KCNIP4: variants seen among roughly 807,000 people sequenced by gnomAD.
KCNIP4 encodes the protein Kv channel-interacting protein 4.
A neutral mutation model predicts 34.0 loss-of-function variants in KCNIP4; 12 were observed. The observed-to-expected ratio is 0.35, with a 90% CI of 0.23 to 0.57. The LOEUF (loss-of-function observed/expected upper bound fraction) is 0.57, where lower values mean the gene tolerates loss of function less well. KCNIP4 is among the 20% of genes least tolerant of loss of function. KCNIP4 has a pLI of 0.83. For missense variants in KCNIP4, 238 were observed against 311.7 expected (o/e 0.76, Z 1.78); for synonymous variants, 124 against 102.2 (o/e 1.21, Z -1.29).
chr4:20,958,584 A>C (rs1259953282), intron 1 of KCNIP4, among the ~76,000 whole-genome samples: 1 of 152,160 alleles, frequency 6.6e-6, no homozygotes, highest in Non-Finnish European at 1.5e-5. Context: ...ACATAGAAGA[A>C]CTTTCAGCTA....
At chr4:21,479,268 C>T (rs1731233557) in intron 1 of KCNIP4, among the ~76,000 whole-genome samples, 1 of 151,900 alleles carries the variant, frequency 6.6e-6, no homozygotes, top group Non-Finnish European at 1.5e-5. Flanking sequence ...AAACATAAAG[C>T]AAAATGGAAA....
At chr4:21,023,634 T>C (rs1383218350) in intron 1 of KCNIP4, among the ~76,000 whole-genome samples, 1 of 152,114 alleles carries the variant, frequency 6.6e-6, no homozygotes, top group Non-Finnish European at 1.5e-5. Context: ...CCAAGCACAG[T>C]GGCTCATACC....
At chr4:21,519,796 T>TACACACGTGTGTGTATGTGTGTGTGTAC (rs544083218) in intron 1 of KCNIP4, among the ~76,000 whole-genome samples, 1 of 131,276 alleles carries the variant, frequency 7.6e-6, no homozygotes, top group South Asian at 2.7e-4. Context: ...TGTGTGTGTA[T>TACACACGTGTGTGTATGTGTGTGTGTAC]ACACGTGTGT....
intron 1 of KCNIP4, among the ~76,000 whole-genome samples, chr4:21,095,812 G>C (rs1376696337): frequency 6.6e-6 from 1 of 152,068 alleles, no homozygotes; most frequent in Non-Finnish European, 1.5e-5. Context: ...AGGTGCAGCA[G>C]GTGTTATTTT....
chr4:21,309,230 C>A (rs770462781), intron 1 of KCNIP4, among the ~76,000 whole-genome samples: 1 of 152,094 alleles, frequency 6.6e-6, no homozygotes, highest in Non-Finnish European at 1.5e-5. Context: ...AGAAAGGGGG[C>A]GAACTTTCTC....
In KCNIP4 at chr4:21,899,636, T is replaced by C. The variant is rs1041926296; in HGVS notation, c.61+48935A>G. Reference sequence around the variant, plus strand: ...CAGAAAAATCACTAGCATTTCCATATGCCAACAATGAACAATCTGAAAAAG... The same window carrying C: ...CAGAAAAATCACTAGCATTTCCATACGCCAACAATGAACAATCTGAAAAAG... On this transcript the variant is annotated intron_variant, in intron 1 of 8. Coordinates refer to ENST00000382152, the MANE Select transcript of KCNIP4 (RefSeq NM_025221.6). 4.6e-5 allele frequency among the ~76,000 whole-genome samples: 7 copies of C among 151,972 alleles called. No homozygotes were observed. In the South Asian group the frequency reaches 6.2e-4, roughly 13 times the overall value.
intron 1 of KCNIP4, among the ~76,000 whole-genome samples, chr4:21,346,876 T>G (rs1717483969): frequency 6.6e-6 from 1 of 152,134 alleles, no homozygotes; most frequent in Admixed American, 6.5e-5. Context: ...CTGCACCTCA[T>G]GGTTTTAGGT....
chr4:21,689,818 A>G (rs1286788184), intron 1 of KCNIP4, among the ~76,000 whole-genome samples: 2 of 152,002 alleles, frequency 1.3e-5, no homozygotes, highest in African/African-American at 4.8e-5. Context: ...TCCTACTCTC[A>G]TATTTGTTCT....
intron 1 of KCNIP4, among the ~76,000 whole-genome samples, chr4:21,752,840 T>C (rs1717244724): frequency 6.6e-6 from 1 of 152,188 alleles, no homozygotes; most frequent in South Asian, 2.1e-4. Context: ...CTGGAGACAG[T>C]TGAGATTTTT....
intron 1 of KCNIP4, among the ~76,000 whole-genome samples, chr4:21,331,862 A>T (rs544625888): frequency 6.6e-6 from 1 of 152,192 alleles, no homozygotes; most frequent in South Asian, 2.1e-4. Context: ...CACAGTAATT[A>T]TAAATTCACA....
intron 1 of KCNIP4, among the ~76,000 whole-genome samples, chr4:21,062,187 C>T (rs115488047): frequency 0.019 from 2,855 of 152,158 alleles, 78 homozygotes; most frequent in African/African-American, 0.063. Flanking sequence ...ATGTAGATGA[C>T]AATGTAAATT....
chr4:21,628,837 C>T (rs537312903), intron 1 of KCNIP4, among the ~76,000 whole-genome samples: 29 of 152,242 alleles, frequency 1.9e-4, no homozygotes, highest in African/African-American at 5.5e-4. Context: ...ATAAATTATA[C>T]CCATTTACAT....
chr4:20,853,528 C>T (rs1324722619), intron 2 of KCNIP4, among the ~76,000 whole-genome samples: 1 of 152,140 alleles, frequency 6.6e-6, no homozygotes, highest in African/African-American at 2.4e-5. Context: ...AGACCAGATA[C>T]TGTAAAAATT....
chr4:21,519,489 T>TATGTGTGTATGTGTATGTGCATATACAC (rs1577509702), intron 1 of KCNIP4, among the ~76,000 whole-genome samples: 1 of 86,434 alleles, frequency 1.2e-5, no homozygotes, highest in Non-Finnish European at 2.7e-5. Flanking sequence ...TATATACACA[T>TATGTGTGTATGTGTATGTGCATATACAC]ATGTGTGTAT....
intron 1 of KCNIP4, among the ~76,000 whole-genome samples, chr4:21,044,498 GACAGGGTTTC>G (rs1742264861): frequency 2.6e-5 from 4 of 152,004 alleles, no homozygotes; most frequent in African/African-American, 9.7e-5. Context: ...TTTTAGTAGA[GACAGGGTTTC>G]ACCATGTTGG....
At chr4:21,099,972 A>G (rs1176569421) in intron 1 of KCNIP4, among the ~76,000 whole-genome samples, 2 of 152,164 alleles carry the variant, frequency 1.3e-5, no homozygotes, top group East Asian at 3.9e-4. Context: ...CTCATGATCA[A>G]ACTACAATGG....
chr4:21,581,922 C>T lies in KCNIP4; in HGVS notation c.61+366649G>A, dbSNP rs919276079. ...TCATGAACCCAATTTAATGATGAGT[C>T]GAGACCAAACTTAAAAGAAGAAAGA... On this transcript the variant is annotated intron_variant, in intron 1 of 8. Coordinates refer to ENST00000382152, the MANE Select transcript of KCNIP4 (RefSeq NM_025221.6). 2.0e-5 allele frequency among the ~76,000 whole-genome samples: 3 copies of T among 151,128 alleles called. No individual in the cohort carries two copies. In the South Asian group the frequency reaches 6.3e-4, roughly 32 times the overall value.
chr4:21,352,888 C>T (rs527527057), intron 1 of KCNIP4, among the ~76,000 whole-genome samples: 2 of 152,290 alleles, frequency 1.3e-5, no homozygotes, highest in African/African-American at 2.4e-5. Flanking sequence ...ACAGACACTT[C>T]ATACAGGTGG....
intron 1 of KCNIP4, among the ~76,000 whole-genome samples, chr4:21,414,111 G>A (rs763287607): frequency 2.0e-5 from 3 of 152,046 alleles, no homozygotes; most frequent in African/African-American, 4.8e-5. Context: ...AGTAAATATA[G>A]AGTAGGTTAG....
Sources: allele counts gnomAD v4.1 joint callset (sites outside exome capture counted in the v4.1 genomes callset), GRCh38; gene constraint gnomAD v4.1.1; transcripts MANE v1.5; gene names NCBI Gene and HGNC (gene_info 2026-07-23, HGNC 2026-07-21).